Variants in RRBP1 observed in about 807,000 individuals in gnomAD.
The protein encoded by RRBP1 is ribosome binding protein 1, also known as ribosome-binding protein 1.
RRBP1 carries 94 observed loss-of-function variants against 165.2 expected under a neutral mutation model. The observed-to-expected ratio is 0.57, with a 90% CI of 0.48 to 0.68. The LOEUF is 0.68. RRBP1 is among the 30% of genes least tolerant of loss of function. The pLI, the probability that RRBP1 is intolerant of heterozygous loss-of-function variation, is 0.00. For missense variants in RRBP1, 1,676 were observed against 1,763.0 expected (o/e 0.95, Z 0.88); for synonymous variants, 680 against 714.5 (o/e 0.95, Z 0.77).
rs1355431470 is a variant in RRBP1, at chr20:17,660,059, T to A, written c.449A>T (p.Glu150Val). 9 of 1,613,804 alleles carry A rather than the reference T, an allele frequency of 5.6e-6. No individual in the cohort carries two copies. In the Admixed American group the frequency reaches 1.5e-4, roughly 27 times the overall value. Residue 150 changes from glutamate (E) to valine (V), a missense_variant, in exon 3 of 25, where the codon GAA (glutamate) becomes GTA (valine). By Grantham distance (121) the Glu-to-Val change is moderately radical (BLOSUM62 -2). Coordinates refer to ENST00000377813, the MANE Select transcript of RRBP1 (RefSeq NM_001365613.2). Reference sequence around the variant, plus strand: ...ATTCACTACAGAGCTGACAGCTGGTTCCACTTTTGCCACTTTTTTCTCCTT... The same window carrying A: ...ATTCACTACAGAGCTGACAGCTGGTACCACTTTTGCCACTTTTTTCTCCTT... ...KKKEKKVAKV[E>V]PAVSSVVNSI...
chr20:17,631,674 G>A (rs967512770), intron 8 of RRBP1, among the ~76,000 whole-genome samples: 2 of 152,244 alleles, frequency 1.3e-5, no homozygotes, highest in African/African-American at 4.8e-5. Flanking sequence ...CACCTTCAAT[G>A]GGTACTTTCT....
At chr20:17,666,798 C>T (rs1486592599) in intron 2 of RRBP1, among the ~76,000 whole-genome samples, 1 of 152,208 alleles carries the variant, frequency 6.6e-6, no homozygotes, top group Non-Finnish European at 1.5e-5. Context: ...GAAATCTTTC[C>T]TCAGGTTAAG....
chr20:17,671,362 A>G (rs763614867), intron 2 of RRBP1, among the ~76,000 whole-genome samples: 7 of 152,132 alleles, frequency 4.6e-5, no homozygotes, highest in Non-Finnish European at 7.3e-5. Context: ...CTTTCGTTTG[A>G]TAATTACAAC....
At chr20:17,615,894 TG>T in intron 22 of RRBP1, 31 bp downstream of exon 22, 3 of 1,588,168 alleles carry the variant, frequency 1.9e-6, no homozygotes. Flanking sequence ...CAGGGGCTGA[TG>T]GGGGCTGAGA....
At chr20:17,661,489 C>A (rs989151854) in intron 2 of RRBP1, among the ~76,000 whole-genome samples, 5 of 152,212 alleles carry the variant, frequency 3.3e-5, no homozygotes, top group African/African-American at 1.2e-4. Context: ...ATTCTCACTG[C>A]CTATGGACCA....
At chr20:17,621,629 GC>G in intron 15 of RRBP1, 60 bp downstream of exon 15, 1 of 1,589,096 alleles carries the variant, frequency 6.3e-7, no homozygotes, top group Non-Finnish European at 8.6e-7. Flanking sequence ...ACTTGGGGCA[GC>G]CCCTCTTCCT....
intron 22 of RRBP1, 60 bp from the exon 23 acceptor site, chr20:17,615,589 G>A: frequency 1.4e-6 from 2 of 1,409,344 alleles, no homozygotes; most frequent in Non-Finnish European, 1.9e-6. Context: ...GTGCTGTCAA[G>A]ACCCTACCGA....
intron 2 of RRBP1, among the ~76,000 whole-genome samples, chr20:17,663,897 T>C (rs2036817608): frequency 6.6e-6 from 1 of 152,194 alleles, no homozygotes; most frequent in Non-Finnish European, 1.5e-5. Context: ...CTATATTCTG[T>C]CAATTCCAGA....
intron 7 of RRBP1, among the ~76,000 whole-genome samples, chr20:17,634,319 G>C (rs2036208194): frequency 6.6e-6 from 1 of 152,220 alleles, no homozygotes; most frequent in Non-Finnish European, 1.5e-5. Context: ...CACCAGGCCA[G>C]GCGGAGCTGG....
At chr20:17,676,055 A>C (rs1036766422) in intron 2 of RRBP1, among the ~76,000 whole-genome samples, 6 of 152,220 alleles carry the variant, frequency 3.9e-5, no homozygotes, top group African/African-American at 1.4e-4. Context: ...AAAAAAACCT[A>C]AAAATTCACT....
intron 2 of RRBP1, among the ~76,000 whole-genome samples, chr20:17,668,470 T>C (rs572823745): frequency 6.6e-6 from 1 of 152,364 alleles, no homozygotes; most frequent in South Asian, 2.1e-4. Context: ...CTGCCTCTAA[T>C]GAGCTGTTTT....
intron 24 of RRBP1, 25 bp downstream of exon 24, chr20:17,614,711 GC>G (rs1568747961): frequency 1.2e-6 from 2 of 1,607,898 alleles, no homozygotes; most frequent in South Asian, 2.2e-5. Flanking sequence ...GACTCCTCCC[GC>G]CCTGCTTTGG....
Position 17,636,690 on chromosome 20 carries a change from C to G in RRBP1, c.2224G>C (p.Ala742Pro). 1 of 1,613,290 alleles carries G rather than the reference C, an allele frequency of 6.2e-7. No homozygotes were observed. Among genetic ancestry groups the G allele is most frequent in the Non-Finnish European group, 8.5e-7 (1 of 1,180,032 alleles). ...AEKAKAAAGEAKVKKQLVARE... is the reference protein window; with the variant it reads ...AEKAKAAAGEPKVKKQLVARE... ...GCCACCAGCTGCTTTTTCACTTTGG[C>G]CTCCCCGGCTGCTGCTTTGGCCTTT... The change falls in exon 6 of 25, where the codon GCC becomes CCC. Residue 742 changes from alanine (A) to proline (P), a missense_variant. Physicochemically the swap from Ala to Pro is conservative, Grantham distance 27 (BLOSUM62 -1). Around this residue, in one of 5 missense-constraint regions of RRBP1, gnomAD observed 1,184 missense variants for 1,167.1 expected, o/e 1.01. Coordinates refer to ENST00000377813, the MANE Select transcript of RRBP1 (RefSeq NM_001365613.2).
intron 2 of RRBP1, among the ~76,000 whole-genome samples, chr20:17,672,196 T>C (rs989141039): frequency 2.6e-5 from 4 of 152,248 alleles, no homozygotes; most frequent in African/African-American, 9.6e-5. Flanking sequence ...TACCCAACTA[T>C]TGGTTCGTTT....
intron 8 of RRBP1, among the ~76,000 whole-genome samples, chr20:17,630,609 G>A (rs1034232849): frequency 2.6e-5 from 4 of 152,200 alleles, no homozygotes; most frequent in African/African-American, 9.6e-5. Context: ...CCGGCTCAGT[G>A]TCAGGCAGGC....
At position 17,621,764 on chromosome 20, in the gene RRBP1, C is replaced by T. The variant is rs199599586; in HGVS notation, c.3250G>A (p.Glu1084Lys). The T allele has an allele frequency of 1.5e-5, 25 of 1,613,940 alleles. No individual in the cohort carries two copies. In the East Asian group the frequency reaches 3.6e-4, roughly 23 times the overall value. The change falls in exon 15 of 25, where the codon GAG becomes AAG. Residue 1084 changes from glutamate (E) to lysine (K), a missense_variant. By Grantham distance (56) the Glu-to-Lys change is moderately conservative. Coordinates refer to ENST00000377813, the MANE Select transcript of RRBP1 (RefSeq NM_001365613.2). Reference sequence around the variant, plus strand: ...TTCTCTTTGAGATCCTGCAGCCACTCGGTGTAATTCTGCAATGAAACACAT... The same window carrying T: ...TTCTCTTTGAGATCCTGCAGCCACTTGGTGTAATTCTGCAATGAAACACAT... ...LSVLAQQNYT[E>K]WLQDLKEKGP...
chr20:17,668,857 G>A (rs1057290963), intron 2 of RRBP1, among the ~76,000 whole-genome samples: 3 of 152,194 alleles, frequency 2.0e-5, no homozygotes, highest in East Asian at 3.9e-4. Flanking sequence ...CCAGTCACTC[G>A]CTGCAACCTT....
Position 17,620,762 on chromosome 20 carries a change from GCTC to G in RRBP1, c.3457_3459del (p.Glu1153del), listed in dbSNP as rs765361650. ...GCGCCCACCTTGGCCCTCCACACCT[GCTC>G]CTCCTCCTCCACGCTCTTCTGCAGG... On this transcript the variant is annotated inframe_deletion, in exon 17 of 25. Coordinates refer to ENST00000377813, the MANE Select transcript of RRBP1 (RefSeq NM_001365613.2). 4.8e-5 allele frequency: 78 copies of G among 1,608,670 alleles called. No homozygotes were observed. The highest frequency in any genetic ancestry group is 2.7e-5 in the African/African-American group (2 of 74,924).
chr20:17,647,049 C>G (rs1405489646), intron 3 of RRBP1, among the ~76,000 whole-genome samples: 1 of 152,248 alleles, frequency 6.6e-6, no homozygotes, highest in East Asian at 1.9e-4. Flanking sequence ...GGATTATCGC[C>G]TTGGCCCTGG....
Sources: allele counts gnomAD v4.1 joint callset (sites outside exome capture counted in the v4.1 genomes callset), GRCh38; gene constraint gnomAD v4.1.1; regional missense constraint gnomAD v4.1.1; transcripts MANE v1.5; gene names NCBI Gene and HGNC (gene_info 2026-07-23, HGNC 2026-07-21).